The following GPBP1L1 variants were observed in gnomAD, a reference collection of about 807,000 sequenced individuals.
GPBP1L1 encodes the protein GC-rich promoter binding protein 1 like 1, also known as vasculin-like protein 1.
GPBP1L1 carries 23 observed loss-of-function variants against 52.5 expected under a neutral mutation model. The ratio of observed to expected loss-of-function variants is 0.44; its 90% CI spans 0.32 to 0.62. GPBP1L1 has a LOEUF of 0.62. GPBP1L1 is among the 20% of genes least tolerant of loss of function. The pLI is 0.06. For synonymous variants in GPBP1L1, 243 were observed against 203.1 expected (o/e 1.20, Z -1.67); for missense variants, 596 against 579.3 (o/e 1.03, Z -0.30).
At chr1:45,648,886 G>A (rs918311789) in intron 6 of GPBP1L1, among the ~76,000 whole-genome samples, 1 of 152,028 alleles carries the variant, frequency 6.6e-6, no homozygotes, top group African/African-American at 2.4e-5. Flanking sequence ...AAATTAGCTG[G>A]GCGTAGGGGT....
chr1:45,654,732 C>G lies in GPBP1L1; in HGVS notation c.288G>C (p.Trp96Cys). 6.2e-7 allele frequency: 1 copy of G among 1,614,202 alleles called. No individual in the cohort carries two copies. Among genetic ancestry groups the G allele is most frequent in the African/African-American group, 1.3e-5 (1 of 75,058 alleles). The change falls in exon 6 of 13, where the codon TGG becomes TGC. Residue 96 changes from tryptophan to cysteine, a missense_variant. Transcript: ENST00000355105. ...CATCATGACCTCGGGAAGAGCTATG[C>G]CAACCAGATGGGTTCCCTGTGATTC... ...YAGITGNPSGWHSSSRGHDGM... is the reference protein window; with the variant it reads ...YAGITGNPSGCHSSSRGHDGM...
At chr1:45,640,133 A>G in intron 8 of GPBP1L1, 77 bp downstream of exon 8, 1 of 1,207,924 alleles carries the variant, frequency 8.3e-7, no homozygotes, top group Non-Finnish European at 1.2e-6. Context: ...GCAAGAAAAA[A>G]CAAATTTATT....
chr1:45,646,875 T>C (rs563115347), intron 6 of GPBP1L1, among the ~76,000 whole-genome samples: 315 of 152,162 alleles, frequency 2.1e-3, no homozygotes, highest in African/African-American at 7.3e-3. Flanking sequence ...GTATTTAAGC[T>C]ATTCCTTTAT....
At chr1:45,645,768 G>GT (rs200618825) in intron 6 of GPBP1L1, 31,065 of 206,080 alleles carry the variant, frequency 0.15, 665 homozygotes, top group African/African-American at 0.25. Context: ...GAAGTTTTTT[G>GT]TTTTTTTTTT....
At chr1:45,637,771 G>A (rs1644614755) in intron 8 of GPBP1L1, among the ~76,000 whole-genome samples, 1 of 152,082 alleles carries the variant, frequency 6.6e-6, no homozygotes, top group Admixed American at 6.5e-5. Context: ...CTCAAGAAAT[G>A]GGACAAACAT....
intron 2 of GPBP1L1, among the ~76,000 whole-genome samples, chr1:45,673,387 G>A (rs534530867): frequency 6.6e-6 from 1 of 152,190 alleles, no homozygotes; most frequent in Non-Finnish European, 1.5e-5. Flanking sequence ...CTTCCCAGCA[G>A]AGTAAGGGCC....
At chr1:45,673,973 G>A (rs1488811560) in intron 2 of GPBP1L1, among the ~76,000 whole-genome samples, 1 of 152,204 alleles carries the variant, frequency 6.6e-6, no homozygotes, top group Non-Finnish European at 1.5e-5. Flanking sequence ...AGCTACTCAA[G>A]AGGCTAAATC....
intron 8 of GPBP1L1, chr1:45,635,226 A>C (rs1417218048): frequency 6.6e-6 from 1 of 152,220 alleles, no homozygotes; most frequent in Non-Finnish European, 1.5e-5. Context: ...CAATTTGTTC[A>C]AGGTTATTCA....
chr1:45,643,658 CTTTTTTTTTTTTTTTTT>C (rs113388167), intron 6 of GPBP1L1, among the ~76,000 whole-genome samples: 3 of 65,112 alleles, frequency 4.6e-5, no homozygotes, highest in African/African-American at 1.3e-4. Context: ...AGGAGAATGG[CTTTTTTTTTTTTTTTTT>C]TTTTTTTTTT....
At chr1:45,680,411 G>A (rs1645198359) in intron 2 of GPBP1L1, among the ~76,000 whole-genome samples, 1 of 151,730 alleles carries the variant, frequency 6.6e-6, no homozygotes. Context: ...GCTAATTTTT[G>A]TATTTTTAGT....
intron 2 of GPBP1L1, among the ~76,000 whole-genome samples, chr1:45,678,624 A>C (rs1398359153): frequency 6.6e-6 from 1 of 152,228 alleles, no homozygotes; most frequent in African/African-American, 2.4e-5. Context: ...TAAGGATGCA[A>C]TCATACCAAA....
chr1:45,645,704 G>T (rs1403754831), intron 6 of GPBP1L1: 3 of 328,284 alleles, frequency 9.1e-6, no homozygotes, highest in African/African-American at 6.7e-5. Context: ...TGGTTAGTTT[G>T]TCAGAAGCTT....
intron 2 of GPBP1L1, among the ~76,000 whole-genome samples, chr1:45,677,250 T>G (rs1409850538): frequency 6.7e-6 from 1 of 148,630 alleles, no homozygotes; most frequent in Non-Finnish European, 1.5e-5. Context: ...GCAGGAGAAC[T>G]GCTTGAACCT....
intron 7 of GPBP1L1, among the ~76,000 whole-genome samples, chr1:45,641,496 A>T: frequency 6.6e-6 from 1 of 152,090 alleles, no homozygotes. Context: ...ACGAATATTT[A>T]AACATACATA....
chr1:45,672,917 A>G (rs1645091494), intron 2 of GPBP1L1, among the ~76,000 whole-genome samples: 1 of 152,248 alleles, frequency 6.6e-6, no homozygotes, highest in Admixed American at 6.5e-5. Flanking sequence ...GCCTGATTCC[A>G]GTGAGTTCAA....
intron 6 of GPBP1L1, 92 bp from the exon 7 acceptor site, chr1:45,642,591 A>T: frequency 3.4e-6 from 3 of 871,498 alleles, no homozygotes; most frequent in Non-Finnish European, 5.7e-6. Flanking sequence ...CCTATCAAAT[A>T]ATTACATATT....
intron 8 of GPBP1L1, among the ~76,000 whole-genome samples, chr1:45,638,452 A>AC (rs1323952706): frequency 6.6e-6 from 1 of 152,162 alleles, no homozygotes; most frequent in African/African-American, 2.4e-5. Flanking sequence ...TCAACTTGTT[A>AC]CCCCTGTTGC....
chr1:45,640,237 AAC>A lies in GPBP1L1; in HGVS notation c.715_716del (p.Val239SerfsTer2). ...TGGAAGGAGGTGGTACAGGCTTAGG[AAC>A]CAGGTTCTTATAGACACTTGGAACC... ...SVVPSVYKNL[V>X]PKPVPPPSKP... On this transcript the variant is annotated frameshift_variant, in exon 8 of 13. Coordinates refer to ENST00000355105, the MANE Select transcript of GPBP1L1 (RefSeq NM_021639.5). LOFTEE classifies it high-confidence loss of function. 1.9e-6 allele frequency: 3 copies of A among 1,614,078 alleles called. No homozygotes were observed. Among genetic ancestry groups the A allele is most frequent in the Non-Finnish European group, 2.5e-6 (3 of 1,179,944 alleles).
At chr1:45,628,766 C>A (rs563456277) in intron 12 of GPBP1L1, among the ~76,000 whole-genome samples, 5 of 152,152 alleles carry the variant, frequency 3.3e-5, no homozygotes, top group Non-Finnish European at 1.5e-5. Flanking sequence ...TGGGTTCAAG[C>A]GATTCTCCTG....
Sources: allele counts gnomAD v4.1 joint callset (sites outside exome capture counted in the v4.1 genomes callset), GRCh38; gene constraint gnomAD v4.1.1; transcripts MANE v1.5; gene names NCBI Gene and HGNC (gene_info 2026-07-23, HGNC 2026-07-21).